The following ACAD11 variants were observed in gnomAD, a reference collection of about 807,000 sequenced individuals.
The protein encoded by ACAD11 is acyl-CoA dehydrogenase family member 11.
A neutral mutation model predicts 102.2 loss-of-function variants in ACAD11; 83 were observed. The ratio of observed to expected loss-of-function variants is 0.81; its 90% CI spans 0.68 to 0.97. ACAD11 has a LOEUF of 0.97. Among genes scored for constraint, ACAD11 ranks in the 50% least tolerant of loss-of-function variants. The pLI, the probability that ACAD11 is intolerant of heterozygous loss-of-function variation, is 0.00. For missense variants in ACAD11, 901 were observed against 951.7 expected (o/e 0.95, Z 0.70); for synonymous variants, 324 against 319.8 (o/e 1.01, Z -0.14).
At chr3:132,603,384 A>C in intron 12 of ACAD11, 57 bp from the exon 13 acceptor site, 1 of 1,471,538 alleles carries the variant, frequency 6.8e-7, no homozygotes, top group Non-Finnish European at 9.5e-7. Context: ...GTAGACTTAG[A>C]TAAGGATATG....
chr3:132,582,209 AATGAGTGAAATTGTC>A (rs1661526298), intron 13 of ACAD11, among the ~76,000 whole-genome samples: 1 of 152,008 alleles, frequency 6.6e-6, no homozygotes, highest in Non-Finnish European at 1.5e-5. Context: ...TTATGAGACA[AATGAGTGAAATTGTC>A]ATTATTCAAA....
At position 132,618,742 on chromosome 3, in the gene ACAD11, A is replaced by C. The variant is rs1939504306; in HGVS notation, c.1306T>G (p.Leu436Val). Residue 436 changes from leucine to valine, a missense_variant, in exon 11 of 20, where the codon TTG becomes GTG. Transcript: ENST00000264990. ...AGTCCGCTGACAGCTGGCAAAAACA[A>C]GTTCCAGAGACCCTCGACTTTGGCC... Reference protein sequence around the residue: ...EMAKVEGLWNLFLPAVSGLSH... With the variant: ...EMAKVEGLWNVFLPAVSGLSH... The C allele has an allele frequency of 6.3e-7, 1 of 1,599,470 alleles. No individual in the cohort carries two copies. The highest frequency in any genetic ancestry group is 1.8e-5 in the Admixed American group (1 of 56,992).
At chr3:132,603,771 T>A (rs916346285) in intron 12 of ACAD11, among the ~76,000 whole-genome samples, 10 of 152,220 alleles carry the variant, frequency 6.6e-5, no homozygotes, top group African/African-American at 1.9e-4. Flanking sequence ...TTCACTGATT[T>A]ATATACTTTG....
At chr3:132,630,706 A>T (rs1168948040) in intron 6 of ACAD11, 148 bp from the exon 7 acceptor site, 1 of 670,674 alleles carries the variant, frequency 1.5e-6, no homozygotes, top group Non-Finnish European at 2.4e-6. Context: ...GATTTCCAAA[A>T]GATTATTATA....
chr3:132,638,545 T>C (rs1335189670), intron 5 of ACAD11, among the ~76,000 whole-genome samples: 2 of 152,138 alleles, frequency 1.3e-5, no homozygotes, highest in African/African-American at 4.8e-5. Context: ...CAGAATCATA[T>C]AAGCACCTGC....
intron 1 of ACAD11, among the ~76,000 whole-genome samples, chr3:132,652,350 G>A (rs1038436501): frequency 1.3e-5 from 2 of 152,160 alleles, no homozygotes; most frequent in South Asian, 2.1e-4. Context: ...GGAACTGTGA[G>A]TCCATTAAAC....
intron 1 of ACAD11, among the ~76,000 whole-genome samples, chr3:132,658,903 T>TA (rs1937970596): frequency 1.3e-5 from 2 of 152,228 alleles, no homozygotes; most frequent in African/African-American, 4.8e-5. Flanking sequence ...TCAGAGTGTT[T>TA]ATGTAACATA....
At chr3:132,607,509 G>A (rs1040446718) in intron 11 of ACAD11, among the ~76,000 whole-genome samples, 1 of 151,846 alleles carries the variant, frequency 6.6e-6, no homozygotes, top group Non-Finnish European at 1.5e-5. Context: ...TCAATCAAGT[G>A]AAAGAAAGGA....
chr3:132,586,629 A>G (rs1311310907), intron 13 of ACAD11, among the ~76,000 whole-genome samples: 1 of 152,184 alleles, frequency 6.6e-6, no homozygotes. Flanking sequence ...TGAGAGAGAA[A>G]AACCATTTTC....
At chr3:132,577,182 C>T (rs1345307768) in intron 15 of ACAD11, among the ~76,000 whole-genome samples, 167 bp from the exon 16 acceptor site, 1 of 151,984 alleles carries the variant, frequency 6.6e-6, no homozygotes, top group Non-Finnish European at 1.5e-5. Context: ...GACCCAGCAG[C>T]CCAGAAAACT....
rs563566527 is a variant in ACAD11 at position 132,573,238 on chromosome 3, G to C, written c.2001+2534C>G. On this transcript the variant is annotated intron_variant, in intron 17 of 19. Transcript: ENST00000264990. The stretch of plus-strand genomic sequence containing the variant: ...CTTCAACAGGGGATATTTGATTAGA[G>C]TTTCCCTAAAGCGGTGATGTTCAAC... 5.9e-5 allele frequency among the ~76,000 whole-genome samples: 9 copies of C among 152,168 alleles called. No individual in the cohort carries two copies. The South Asian group carries it at 1.7e-3, about 28-fold the overall frequency.
At chr3:132,628,184 T>G (rs1447137744) in intron 8 of ACAD11, among the ~76,000 whole-genome samples, 156 bp downstream of exon 8, 1 of 152,216 alleles carries the variant, frequency 6.6e-6, no homozygotes, top group Non-Finnish European at 1.5e-5. Context: ...AATTTGTTTT[T>G]AGGCATAGAA....
intron 11 of ACAD11, among the ~76,000 whole-genome samples, chr3:132,612,033 A>G (rs1939175770): frequency 6.6e-6 from 1 of 152,056 alleles, no homozygotes; most frequent in Non-Finnish European, 1.5e-5. Context: ...AGAGATACAG[A>G]CCAATGGAAC....
At chr3:132,647,556 A>G (rs2107894426) in intron 1 of ACAD11, 1 of 152,338 alleles carries the variant, frequency 6.6e-6, no homozygotes, top group South Asian at 2.1e-4. Context: ...GCATAAACAG[A>G]CAGGAAAAAC....
Position 132,579,502 on chromosome 3 carries a change from A to G in ACAD11, c.1678T>C (p.Ser560Pro), listed in dbSNP as rs1175147704. The G allele has an allele frequency of 6.2e-7, 1 of 1,612,768 alleles. No individual in the cohort carries two copies. Among genetic ancestry groups the G allele is most frequent in the South Asian group, 1.1e-5 (1 of 90,976 alleles). Residue 560 changes from serine to proline, a missense_variant, in exon 14 of 20, where the codon TCT (serine) becomes CCT (proline). Ser to Pro is a moderately conservative substitution (Grantham distance 74, BLOSUM62 -1). Transcript: ENST00000264990. ...AIVLGRTQNT[S>P]LSRHKQHSMI... ...GAATTGTTTAATTACCTGGAGAGAG[A>G]AGTATTTTGAGTTCTTCCCAAAACA...
At position 132,618,785 on chromosome 3, in the gene ACAD11, T is replaced by C. The variant is rs780917643; in HGVS notation, c.1276-13A>G. The C allele has an allele frequency of 7.0e-6, 11 of 1,569,088 alleles. No individual in the cohort carries two copies. Among genetic ancestry groups the C allele is most frequent in the Non-Finnish European group, 7.7e-6 (9 of 1,162,988 alleles). ...CTTTGGCCATTTCCTGTCAAGGTGA[T>C]GAACATGCCAGAGTGACCATAATTT... On this transcript the variant is annotated splice_polypyrimidine_tract_variant and intron_variant, in intron 10 of 19. Transcript: ENST00000264990.
In ACAD11 at chr3:132,568,801, C is replaced by CAAAAAAAA. The variant is rs755568917; in HGVS notation, c.2001+6963_2001+6970dup. Among the ~76,000 whole-genome samples the CAAAAAAAA allele has an allele frequency of 5.8e-5, 4 of 68,670 alleles. 1 individual carries two copies. The highest frequency in any genetic ancestry group is 2.0e-4 in the African/African-American group (4 of 19,630). 45.1% of individuals were successfully genotyped at this position (68,670 alleles called of 152,430 possible). On this transcript the variant is annotated intron_variant, in intron 17 of 19. Transcript: ENST00000264990. ...GCTGAAGCAATTGGACATCCACAGG[C>CAAAAAAAA]AAAAAAAAAAAAAAAAAAAAAAAAA...
intron 17 of ACAD11, among the ~76,000 whole-genome samples, chr3:132,574,626 G>A (rs1197518073): frequency 6.6e-6 from 1 of 152,120 alleles, no homozygotes; most frequent in Non-Finnish European, 1.5e-5. Flanking sequence ...AAATATACAT[G>A]TGCAGCAAAC....
At chr3:132,643,779 G>A (rs1940615187) in intron 2 of ACAD11, among the ~76,000 whole-genome samples, 1 of 152,124 alleles carries the variant, frequency 6.6e-6, no homozygotes, top group South Asian at 2.1e-4. Context: ...GCAAAAAGTG[G>A]ATCACAGAGC....
Sources: allele counts gnomAD v4.1 joint callset (sites outside exome capture counted in the v4.1 genomes callset), GRCh38; gene constraint gnomAD v4.1.1; transcripts MANE v1.5; gene names NCBI Gene and HGNC (gene_info 2026-07-23, HGNC 2026-07-21).